Variants in MORN3 observed in about 807,000 individuals in gnomAD.
MORN3 encodes MORN repeat containing 3.
In MORN3, 38 loss-of-function variants were observed where a neutral mutation model predicts 34.7. The observed-to-expected ratio is 1.10, with a 90% confidence interval of 0.85 to 1.44. MORN3 has a LOEUF of 1.44. Ranked by LOEUF, MORN3 falls within the 40% of genes most tolerant of loss-of-function variation. The probability of loss-of-function intolerance (pLI) is 0.00; values close to 1 mark genes in which losing one functional copy is unlikely to be tolerated. For synonymous variants in MORN3, 109 were observed against 115.3 expected, an observed-to-expected ratio of 0.95 and a Z score of 0.35; for missense variants, 311 against 321.7, an observed-to-expected ratio of 0.97 and a Z score of 0.25.
chr12:121,669,836 T>TATATATATATATATATATATATATATA (rs1566488493), upstream of MORN3, among the ~76,000 whole-genome samples: 2 of 126,820 alleles, frequency 1.6e-5, no homozygotes, highest in African/African-American at 6.1e-5. Context: ...ATATATATTT[T>TATATATATATATATATATATATATATA]TTTTTTTATG....
Position 121,648,791 on chromosome 12 carries a change from A to G in MORN3, c.*2860T>C, listed in dbSNP as rs1893188983. On this transcript the variant is annotated 3_prime_UTR_variant, in exon 6 of 6. Transcript: ENST00000355329. ...CATTTTGAATACATAATACATTCAC[A>G]TGGTTCCAAACACAACACTGAAAAG... 1.3e-5 allele frequency: 2 copies of G among 152,244 alleles called. No homozygotes were observed. The highest frequency in any genetic ancestry group is 2.1e-4 in the South Asian group (1 of 4,812). The allele number at this position is 152,244 out of a possible 1,614,324, so 9.4% of individuals were successfully genotyped here.
intron 4 of MORN3, 86 bp from the exon 5 acceptor site, chr12:121,652,894 T>C (rs1442046017): frequency 6.6e-7 from 1 of 1,510,540 alleles, no homozygotes; most frequent in African/African-American, 1.4e-5. Context: ...CCGTGTGGGG[T>C]GCTGCCAGCC....
chr12:121,666,466 TGCACTCCATCCTGGGCGACAGA>T (rs1177225830), intron 1 of MORN3, among the ~76,000 whole-genome samples: 1 of 152,068 alleles, frequency 6.6e-6, no homozygotes, highest in Admixed American at 6.6e-5. Context: ...ATCGCAGCAC[TGCACTCCATCCTGGGCGACAGA>T]GCACAACTCT....
At chr12:121,655,939 G>A (rs1555325646) in intron 2 of MORN3, among the ~76,000 whole-genome samples, 2 of 151,714 alleles carry the variant, frequency 1.3e-5, no homozygotes, top group Non-Finnish European at 2.9e-5. Context: ...GCTGAGGCAG[G>A]AGAAGGCCGT....
At chr12:121,662,701 C>T (rs1254678570) in intron 1 of MORN3, among the ~76,000 whole-genome samples, 2 of 149,970 alleles carry the variant, frequency 1.3e-5, no homozygotes, top group East Asian at 2.0e-4. Context: ...TGTAGTGAGC[C>T]GAGATCGCAA....
chr12:121,655,503 AG>A (rs1437316580), intron 2 of MORN3, among the ~76,000 whole-genome samples: 1 of 151,938 alleles, frequency 6.6e-6, no homozygotes, highest in Non-Finnish European at 1.5e-5. Flanking sequence ...TGAGGTCAGG[AG>A]TTTTAGACCA....
chr12:121,659,516 A>ATTTCTTTCTTTCTTTC (rs539023370), intron 1 of MORN3, among the ~76,000 whole-genome samples, 168 bp from the exon 2 acceptor site: 6 of 149,622 alleles, frequency 4.0e-5, no homozygotes, highest in African/African-American at 1.2e-4. Context: ...GGAAAGTTCC[A>ATTTCTTTCTTTCTTTC]TTTCTTTCTT....
chr12:121,653,010 G>A, intron 4 of MORN3, 65 bp downstream of exon 4: 2 of 1,516,858 alleles, frequency 1.3e-6, no homozygotes, highest in Non-Finnish European at 8.9e-7. Flanking sequence ...CCTGGGCATG[G>A]CTGGGGATGC....
At chr12:121,654,522 AC>A in intron 2 of MORN3, 89 bp from the exon 3 acceptor site, 1 of 1,367,962 alleles carries the variant, frequency 7.3e-7, no homozygotes, top group Non-Finnish European at 9.8e-7. Flanking sequence ...AGAGCCACAC[AC>A]CCCAGCTTCT....
At chr12:121,664,870 CAA>C (rs148847502) in intron 1 of MORN3, among the ~76,000 whole-genome samples, 2 of 65,364 alleles carry the variant, frequency 3.1e-5, no homozygotes, top group African/African-American at 1.2e-4. Flanking sequence ...TAGCCCCTAC[CAA>C]AAAAAAAAAA....
intron 1 of MORN3, among the ~76,000 whole-genome samples, chr12:121,660,420 C>T (rs1198958928): frequency 4.3e-5 from 6 of 138,340 alleles, no homozygotes; most frequent in South Asian, 2.2e-4. Flanking sequence ...GTTGCGATCT[C>T]GGCTCACTGC....
intron 1 of MORN3, among the ~76,000 whole-genome samples, chr12:121,664,870 CAAAAAAA>C (rs148847502): frequency 1.5e-5 from 1 of 65,344 alleles, no homozygotes; most frequent in South Asian, 4.5e-4. Context: ...TAGCCCCTAC[CAAAAAAA>C]AAAAAAAAAA....
chr12:121,654,078 C>T (rs1179282933), intron 3 of MORN3, among the ~76,000 whole-genome samples, 196 bp downstream of exon 3: 2 of 152,092 alleles, frequency 1.3e-5, no homozygotes, highest in Admixed American at 1.3e-4. Flanking sequence ...ATATAAATAG[C>T]ATCATATATA....
rs1402733817 is a variant in MORN3 at position 121,650,616 on chromosome 12, A to C, written c.*1035T>G. Reference sequence around the variant, plus strand: ...AGGAGACTGAGCGGGGCAGATCACGAGGTCAGGAGTTCAAGACCAGCCTGA... The same window carrying C: ...AGGAGACTGAGCGGGGCAGATCACGCGGTCAGGAGTTCAAGACCAGCCTGA... On this transcript the variant is annotated 3_prime_UTR_variant, in exon 6 of 6. Coordinates refer to ENST00000355329, the MANE Select transcript of MORN3 (RefSeq NM_173855.5). The C allele has an allele frequency of 6.6e-6, 1 of 150,678 alleles. No individual in the cohort carries two copies. Among genetic ancestry groups the C allele is most frequent in the Admixed American group, 6.6e-5 (1 of 15,038 alleles). 9.3% of individuals were successfully genotyped at this position (150,678 alleles called of 1,614,324 possible).
At chr12:121,660,098 G>A (rs1468883329) in intron 1 of MORN3, among the ~76,000 whole-genome samples, 1 of 151,292 alleles carries the variant, frequency 6.6e-6, no homozygotes, top group African/African-American at 2.4e-5. Context: ...GCCAGGCGTG[G>A]TGGCAGGCGC....
At chr12:121,661,151 G>GTC (rs541265816) in intron 1 of MORN3, among the ~76,000 whole-genome samples, 108 of 152,186 alleles carry the variant, frequency 7.1e-4, no homozygotes, top group African/African-American at 2.5e-3. Context: ...TAGAGGCAGA[G>GTC]TCTCTCTATG....
chr12:121,659,171 C>T lies in MORN3; in HGVS notation c.303+20G>A, dbSNP rs1408645827. The T allele has an allele frequency of 4.4e-6, 7 of 1,577,938 alleles. No individual in the cohort carries two copies. Among genetic ancestry groups the T allele is most frequent in the Non-Finnish European group, 6.1e-6 (7 of 1,156,714 alleles). ...CACACACACACACACACACACACCC[C>T]GGCTGGCAGGCCTGCTCACCGATTT... On this transcript the variant is annotated intron_variant, in intron 2 of 5. Transcript: ENST00000355329.
In MORN3 at chr12:121,656,508, T is replaced by TTTTA. The variant is rs575688293; in HGVS notation, c.304-2079_304-2076dup. ...CTAGCTAATTATTATTATTATATAGTTTTATTTATTTATTTATTTATTTTG... is the reference window on the plus strand; with the variant it reads ...CTAGCTAATTATTATTATTATATAGTTTTATTTATTTATTTATTTATTTATTTTG... On this transcript the variant is annotated intron_variant, in intron 2 of 5. Transcript: ENST00000355329. Among the ~76,000 whole-genome samples the TTTTA allele has an allele frequency of 1.2e-3, 185 of 151,804 alleles. 1 individual carries two copies. The East Asian group carries it at 0.029, about 24-fold the overall frequency.
At chr12:121,654,464 C>T (rs1555325513) in intron 2 of MORN3, 31 bp from the exon 3 acceptor site, 6 of 1,540,250 alleles carry the variant, frequency 3.9e-6, no homozygotes, top group Non-Finnish European at 5.3e-6. Context: ...CTACTCAGGG[C>T]GCCCCCCAAC....
Sources: gnomAD v4.1 joint callset for allele counts (sites outside exome capture counted in the v4.1 genomes callset) on GRCh38, gnomAD v4.1.1 for gene constraint, MANE v1.5 for transcripts, NCBI Gene and HGNC (gene_info 2026-07-23, HGNC 2026-07-21) for gene names.